CD55: variants seen among roughly 807,000 people sequenced by gnomAD.
The protein encoded by CD55 is CD55 molecule (Cromer blood group), also known as complement decay-accelerating factor.
CD55 carries 41 observed loss-of-function variants against 45.8 expected under a neutral mutation model. The observed-to-expected ratio is 0.90, with a 90% CI of 0.70 to 1.16. The LOEUF is 1.16. CD55 is among the 50% of genes most tolerant of loss of function. CD55 has a pLI of 0.00. For synonymous variants in CD55, 181 were observed against 181.1 expected, an observed-to-expected ratio of 1.00 and a Z score of 0.01; for missense variants, 416 against 469.8, an observed-to-expected ratio of 0.89 and a Z score of 1.06.
At chr1:207,325,083 C>T (rs1417555445) in intron 3 of CD55, among the ~76,000 whole-genome samples, 1 of 151,766 alleles carries the variant, frequency 6.6e-6, no homozygotes, top group Non-Finnish European at 1.5e-5. Context: ...ACCTGTAATC[C>T]CAGCACTTTG....
intron 9 of CD55, among the ~76,000 whole-genome samples, chr1:207,356,479 ATG>A (rs1446019074): frequency 6.6e-6 from 1 of 152,152 alleles, no homozygotes; most frequent in Non-Finnish European, 1.5e-5. Context: ...AGTGTAATTT[ATG>A]ATAGTATCTA....
chr1:207,325,851 AC>A lies in CD55; in HGVS notation c.578+133del, dbSNP rs1342730445. ...ATTAAAACAATCCCTCTCCTCAAAGACCCTTCATCATGAGCTCATCACAGTT... is the reference window on the plus strand; with the variant it reads ...ATTAAAACAATCCCTCTCCTCAAAGACCTTCATCATGAGCTCATCACAGTT... On this transcript the variant is annotated intron_variant, in intron 4 of 9. Transcript: ENST00000367064. The A allele has an allele frequency of 9.9e-6, 5 of 503,446 alleles. No homozygotes were observed. The East Asian group carries it at 1.6e-4, about 16-fold the overall frequency. 31.2% of individuals were successfully genotyped at this position (503,446 alleles called of 1,614,324 possible).
intron 9 of CD55, chr1:207,340,816 G>T: frequency 2.4e-6 from 1 of 425,312 alleles, no homozygotes; most frequent in Non-Finnish European, 4.2e-6. Context: ...ACCCAGTAGT[G>T]GGATTGCTGG....
intron 2 of CD55, 112 bp from the exon 3 acceptor site, chr1:207,324,447 A>G: frequency 1.7e-6 from 1 of 596,756 alleles, no homozygotes; most frequent in Non-Finnish European, 2.8e-6. Flanking sequence ...AGTACTAAAT[A>G]TGCGCAAAGC....
intron 6 of CD55, among the ~76,000 whole-genome samples, chr1:207,332,209 T>C (rs1203303429): frequency 6.6e-6 from 1 of 152,142 alleles, no homozygotes; most frequent in East Asian, 1.9e-4. Flanking sequence ...AACATACAAA[T>C]ATTTTTTATT....
At position 207,359,830 on chromosome 1, in the gene CD55, C is replaced by T; in HGVS notation, c.*220C>T. 1 of 408,608 alleles carries T rather than the reference C, an allele frequency of 2.4e-6. No individual in the cohort carries two copies. 25.3% of individuals were successfully genotyped at this position (408,608 alleles called of 1,614,324 possible). A position where few individuals can be genotyped will look rare whatever the true frequency, so the allele number is the denominator to read the frequency against. ...CCTACACCTCTTGAAAATAGAACAA[C>T]TTGCAGAATTGAGAGTGATTCCTTT... On this transcript the variant is annotated 3_prime_UTR_variant, in exon 10 of 10. Coordinates refer to ENST00000367064, the MANE Select transcript of CD55 (RefSeq NM_000574.5).
chr1:207,344,835 C>T (rs1655569178), intron 9 of CD55, among the ~76,000 whole-genome samples: 1 of 152,110 alleles, frequency 6.6e-6, no homozygotes, highest in South Asian at 2.1e-4. Context: ...ACCTCAGCCT[C>T]CTGAGTAGTA....
intron 9 of CD55, among the ~76,000 whole-genome samples, chr1:207,356,600 T>C (rs192963835): frequency 9.9e-5 from 15 of 152,244 alleles, no homozygotes; most frequent in African/African-American, 3.4e-4. Flanking sequence ...CCAGTCCAGC[T>C]CAAAACAGCA....
chr1:207,338,090 G>A (rs537322794), intron 8 of CD55, among the ~76,000 whole-genome samples: 21 of 152,040 alleles, frequency 1.4e-4, no homozygotes, highest in Non-Finnish European at 2.2e-4. Context: ...GGATGTTATC[G>A]TTAAAGTTCC....
At chr1:207,327,979 G>A (rs1654762941) in intron 5 of CD55, among the ~76,000 whole-genome samples, 1 of 152,110 alleles carries the variant, frequency 6.6e-6, no homozygotes, top group African/African-American at 2.4e-5. Flanking sequence ...ATTAAAGATA[G>A]AAAACAAGGA....
chr1:207,340,405 AC>A, intron 9 of CD55: 1 of 466,524 alleles, frequency 2.1e-6, no homozygotes, highest in Non-Finnish European at 3.8e-6. Flanking sequence ...TCGTCCTGTC[AC>A]CCAGGCTGGT....
In CD55 at chr1:207,354,675, C is replaced by T. The variant is rs980091156; in HGVS notation, c.1082-4871C>T. On this transcript the variant is annotated intron_variant, in intron 9 of 9. Coordinates refer to ENST00000367064, the MANE Select transcript of CD55 (RefSeq NM_000574.5). Reference sequence around the variant, plus strand: ...ATTCACCTTTGGTTTTCTGTAGATACCAAGTGAATTTTGAGATCATAAACA... The same window carrying T: ...ATTCACCTTTGGTTTTCTGTAGATATCAAGTGAATTTTGAGATCATAAACA... Among the ~76,000 whole-genome samples the T allele has an allele frequency of 9.9e-5, 15 of 152,172 alleles. No individual in the cohort carries two copies. In the South Asian group the frequency reaches 3.1e-3, roughly 32 times the overall value.
At chr1:207,337,472 C>A in intron 8 of CD55, 63 bp downstream of exon 8, 1 of 902,814 alleles carries the variant, frequency 1.1e-6, no homozygotes. Context: ...GAAATATGAA[C>A]TTGACCAAGA....
intron 6 of CD55, 77 bp downstream of exon 6, chr1:207,331,373 A>AC: frequency 9.0e-7 from 1 of 1,117,110 alleles, no homozygotes; most frequent in Non-Finnish European, 1.3e-6. Context: ...CATTCAATGA[A>AC]CCCCCTAAGA....
chr1:207,324,789 G>A lies in CD55; in HGVS notation c.478+39G>A, dbSNP rs554197857. ...TTTAAAGTATTTTCAACCATCTGGT[G>A]TTTGGGGGAAATAGTATCCCTTCCT... On this transcript the variant is annotated intron_variant, in intron 3 of 9. Coordinates refer to ENST00000367064, the MANE Select transcript of CD55 (RefSeq NM_000574.5). 1.1e-3 allele frequency: 1,408 copies of A among 1,304,346 alleles called. 30 individuals are homozygous for A. The South Asian group carries it at 0.017, about 16-fold the overall frequency. 80.8% of individuals were successfully genotyped at this position (1,304,346 alleles called of 1,614,324 possible). A position where few individuals can be genotyped will look rare whatever the true frequency, so the allele number is the denominator to read the frequency against.
chr1:207,330,177 AAGTT>A (rs1391311099), intron 5 of CD55, among the ~76,000 whole-genome samples: 1 of 152,174 alleles, frequency 6.6e-6, no homozygotes, highest in Non-Finnish European at 1.5e-5. Flanking sequence ...TGCACACTCT[AAGTT>A]AGTGTAAATC....
chr1:207,330,687 TTCTC>T (rs1339347891), intron 5 of CD55, among the ~76,000 whole-genome samples: 1 of 152,184 alleles, frequency 6.6e-6, no homozygotes, highest in Non-Finnish European at 1.5e-5. Flanking sequence ...TTCTCCGCTG[TTCTC>T]TCTCAAAAGC....
intron 9 of CD55, 97 bp from the exon 10 acceptor site, chr1:207,359,449 G>T: frequency 3.3e-6 from 4 of 1,211,448 alleles, no homozygotes; most frequent in Non-Finnish European, 3.3e-6. Context: ...ATTCTTTTTG[G>T]TGATTTATCA....
intron 9 of CD55, chr1:207,346,994 C>T (rs1433490800): frequency 2.4e-6 from 1 of 423,592 alleles, no homozygotes; most frequent in East Asian, 7.0e-5. Context: ...CTCCAGGCTT[C>T]CAGGCAATCT....
Sources: gnomAD v4.1 joint callset for allele counts (sites outside exome capture counted in the v4.1 genomes callset) on GRCh38, gnomAD v4.1.1 for gene constraint, MANE v1.5 for transcripts, NCBI Gene and HGNC (gene_info 2026-07-23, HGNC 2026-07-21) for gene names.